RPS6KA6: variants seen among roughly 807,000 people sequenced by gnomAD.
RPS6KA6 encodes ribosomal protein S6 kinase A6.
A neutral mutation model predicts 65.4 loss-of-function variants in RPS6KA6; 27 were observed. That is an observed-to-expected ratio of 0.41 (90% CI 0.30 to 0.57). RPS6KA6 has a LOEUF of 0.57. Among genes scored for constraint, RPS6KA6 ranks in the 20% least tolerant of loss-of-function variants. The pLI is 0.24. For synonymous variants in RPS6KA6, 190 were observed against 184.2 expected, an observed-to-expected ratio of 1.03 and a Z score of -0.26; for missense variants, 486 against 555.6, an observed-to-expected ratio of 0.87 and a Z score of 1.26.
At chrX:84,107,808 T>C (rs1345835660) in intron 12 of RPS6KA6, 83 bp from the exon 13 acceptor site, 4 of 477,507 alleles carry the variant, frequency 8.4e-6, no homozygotes, top group Non-Finnish European at 1.0e-5. Context: ...GAACATAATA[T>C]TCACAGTCCA....
chrX:84,172,492 T>C (rs1321560795), intron 1 of RPS6KA6, among the ~76,000 whole-genome samples: 40 of 111,891 alleles, frequency 3.6e-4, no homozygotes, highest in Non-Finnish European at 3.0e-4. Flanking sequence ...TGTGGAGAAA[T>C]TGGAACCTCT....
At chrX:84,144,375 AAC>A (rs1384745206) in intron 6 of RPS6KA6, among the ~76,000 whole-genome samples, 8 of 111,382 alleles carry the variant, frequency 7.2e-5, no homozygotes, top group Admixed American at 5.7e-4. Flanking sequence ...TAAAAATTTA[AAC>A]AGACATTTTA....
chrX:84,180,489 C>T (rs993091926), intron 1 of RPS6KA6, among the ~76,000 whole-genome samples: 9 of 111,584 alleles, frequency 8.1e-5, no homozygotes, highest in Non-Finnish European at 1.7e-4. Flanking sequence ...TACTGATCTA[C>T]GTGTCTATTC....
intron 6 of RPS6KA6, 64 bp downstream of exon 6, chrX:84,145,414 G>T: frequency 1.4e-6 from 1 of 696,720 alleles, no homozygotes; most frequent in Non-Finnish European, 2.1e-6. Flanking sequence ...ATTAGCAGAA[G>T]AACAAAAGTG....
intron 6 of RPS6KA6, among the ~76,000 whole-genome samples, chrX:84,141,536 A>G (rs2035103958): frequency 9.0e-6 from 1 of 111,395 alleles, no homozygotes; most frequent in Non-Finnish European, 1.9e-5. Context: ...AAATAATCAT[A>G]TTAAATGTAA....
chrX:84,107,692 T>C lies in RPS6KA6; in HGVS notation c.1042A>G (p.Lys348Glu). The C allele has an allele frequency of 8.4e-7, 1 of 1,195,644 alleles. No individual in the cohort carries two copies. The highest frequency in any genetic ancestry group is 1.1e-6 in the Non-Finnish European group (1 of 882,822). Reference protein sequence around the residue: ...LYKREVQPPFKPASGKPDDTF... With the variant: ...LYKREVQPPFEPASGKPDDTF... ...TCATCTGGTTTTCCAGAAGCAGGTT[T>C]GAAAGGAGGTTGAACTTCTCTTTTA... is the stretch of plus-strand genomic sequence containing the variant. The change falls in exon 13 of 22, where the codon AAA (lysine) becomes GAA (glutamate). Residue 348 changes from lysine (K) to glutamate (E), a missense_variant. By Grantham distance (56) the Lys-to-Glu change is moderately conservative. Coordinates refer to ENST00000262752, the MANE Select transcript of RPS6KA6 (RefSeq NM_014496.5).
chrX:84,179,877 C>T (rs1448639503), intron 1 of RPS6KA6, among the ~76,000 whole-genome samples: 1 of 112,077 alleles, frequency 8.9e-6, no homozygotes, highest in African/African-American at 3.2e-5. Flanking sequence ...TTTCCAACAG[C>T]ATTCATTCAT....
At chrX:84,088,330 T>G (rs1228625445) in intron 20 of RPS6KA6, among the ~76,000 whole-genome samples, 1 of 112,141 alleles carries the variant, frequency 8.9e-6, no homozygotes, top group Non-Finnish European at 1.9e-5. Flanking sequence ...TGTTGTTTTG[T>G]GTTGTTTTCT....
chrX:84,069,638 G>A (rs1276604056), intron 20 of RPS6KA6, among the ~76,000 whole-genome samples: 6 of 111,449 alleles, frequency 5.4e-5, no homozygotes, highest in African/African-American at 2.0e-4. Flanking sequence ...ACCTACAGAA[G>A]GGGAGAAAAT....
chrX:84,176,445 C>T (rs1311655322), intron 1 of RPS6KA6, among the ~76,000 whole-genome samples: 6 of 111,987 alleles, frequency 5.4e-5, no homozygotes, highest in Non-Finnish European at 7.5e-5. Context: ...TCTATATAAT[C>T]ACATTAAAAT....
At chrX:84,110,896 T>C (rs1285096891) in intron 12 of RPS6KA6, among the ~76,000 whole-genome samples, 3 of 109,355 alleles carry the variant, frequency 2.7e-5, no homozygotes, top group Non-Finnish European at 5.7e-5. Flanking sequence ...AGAATATGGA[T>C]TGTAAGGAAG....
chrX:84,147,100 C>A, intron 4 of RPS6KA6, 42 bp from the exon 5 acceptor site: 1 of 740,179 alleles, frequency 1.4e-6, no homozygotes, highest in South Asian at 2.8e-5. Context: ...TCTCTTACAT[C>A]ATTTCAGTTA....
intron 1 of RPS6KA6, among the ~76,000 whole-genome samples, chrX:84,175,721 AATCT>A (rs1186378681): frequency 9.0e-6 from 1 of 111,605 alleles, no homozygotes; most frequent in East Asian, 2.8e-4. Context: ...TATTTTTAAA[AATCT>A]TTCTATAAGG....
At chrX:84,167,615 A>G (rs1312985658) in intron 1 of RPS6KA6, among the ~76,000 whole-genome samples, 1 of 112,034 alleles carries the variant, frequency 8.9e-6, no homozygotes, top group Non-Finnish European at 1.9e-5. Context: ...AATCCCAAAC[A>G]CATTGTAAAT....
At chrX:84,120,085 T>C (rs2034639957) in intron 8 of RPS6KA6, 58 bp from the exon 9 acceptor site, 1 of 894,126 alleles carries the variant, frequency 1.1e-6, no homozygotes. Flanking sequence ...ATAGAAAACG[T>C]CAAAAGAAAC....
At chrX:84,070,616 C>A (rs946152056) in intron 20 of RPS6KA6, among the ~76,000 whole-genome samples, 8 of 111,107 alleles carry the variant, frequency 7.2e-5, no homozygotes, top group African/African-American at 2.6e-4. Flanking sequence ...GCAAACGTTT[C>A]ATCAATCACA....
At chrX:84,158,908 G>C (rs898203311) in intron 2 of RPS6KA6, among the ~76,000 whole-genome samples, 3 of 111,314 alleles carry the variant, frequency 2.7e-5, no homozygotes, top group South Asian at 3.7e-4. Context: ...ACAGGAAAAC[G>C]TAAGCATGTG....
chrX:84,065,078 G>A lies in RPS6KA6; in HGVS notation c.2005C>T (p.His669Tyr), dbSNP rs2033370898. 8.3e-7 allele frequency: 1 copy of A among 1,200,359 alleles called. No homozygotes were observed. The highest frequency in any genetic ancestry group is 3.0e-5 in the East Asian group (1 of 33,730). ...ATTTGTTCAGCAGTATACCGCTGAT[G>A]TGGGTCCATATGAAGCATATGGGAA... Reference protein sequence around the residue: ...LLSHMLHMDPHQRYTAEQILK... With the variant: ...LLSHMLHMDPYQRYTAEQILK... Residue 669 changes from histidine to tyrosine, a missense_variant, in exon 21 of 22, where the codon CAT (histidine) becomes TAT (tyrosine). By Grantham distance (83) the His-to-Tyr change is moderately conservative (BLOSUM62 2). Coordinates refer to ENST00000262752, the MANE Select transcript of RPS6KA6 (RefSeq NM_014496.5).
chrX:84,124,397 G>A (rs924526452), intron 8 of RPS6KA6, among the ~76,000 whole-genome samples: 1 of 111,934 alleles, frequency 8.9e-6, no homozygotes, highest in East Asian at 2.8e-4. Flanking sequence ...GAAACTCAAC[G>A]AAACTAAAGA....
Sources: allele counts gnomAD v4.1 joint callset (sites outside exome capture counted in the v4.1 genomes callset), GRCh38; gene constraint gnomAD v4.1.1; transcripts MANE v1.5; gene names NCBI Gene and HGNC (gene_info 2026-07-23, HGNC 2026-07-21).